DUS2: variants seen among roughly 807,000 people sequenced by gnomAD.
DUS2 encodes dihydrouridine synthase 2, also known as tRNA-dihydrouridine(20) synthase [NAD(P)+]-like.
In DUS2, 52 loss-of-function variants were observed where a neutral mutation model predicts 71.3. The observed-to-expected ratio is 0.73, with a 90% confidence interval of 0.58 to 0.92. The LOEUF (loss-of-function observed/expected upper bound fraction) is 0.92. DUS2 is among the 40% of genes least tolerant of loss of function. DUS2 has a pLI of 0.00. For missense variants in DUS2, 558 were observed against 622.6 expected (o/e 0.90, Z 1.10); for synonymous variants, 204 against 227.8 (o/e 0.90, Z 0.94).
chr16:68,051,550 C>A (rs1202751801), intron 4 of DUS2, among the ~76,000 whole-genome samples: 1 of 151,870 alleles, frequency 6.6e-6, no homozygotes, highest in East Asian at 1.9e-4. Context: ...ACCTCCATGC[C>A]CAGCCAATTT....
chr16:68,043,162 A>G (rs1333543958), intron 3 of DUS2, among the ~76,000 whole-genome samples: 2 of 150,920 alleles, frequency 1.3e-5, no homozygotes, highest in East Asian at 2.0e-4. Flanking sequence ...TAATCCCAGA[A>G]CTTTGAGAGG....
Position 68,023,544 on chromosome 16 carries a change from G to T in DUS2, c.-99+193G>T, listed in dbSNP as rs375506962. The T allele has an allele frequency of 4.5e-5, 14 of 311,180 alleles. No homozygotes were observed. The South Asian group carries it at 6.5e-4, about 14-fold the overall frequency. 19.3% of individuals were successfully genotyped at this position (311,180 alleles called of 1,614,324 possible). A position where few individuals can be genotyped will look rare whatever the true frequency, so the allele number is the denominator to read the frequency against. ...GGATTCTCTTTAGTTGTTCCTCATT[G>T]CCCTGAGATAGCTTGTCCCGTGCTG... is the stretch of plus-strand genomic sequence containing the variant. On this transcript the variant is annotated intron_variant, in intron 1 of 16. Transcript: ENST00000565263.
chr16:68,054,750 G>T, intron 6 of DUS2, 133 bp downstream of exon 6: 1 of 1,129,698 alleles, frequency 8.9e-7, no homozygotes, highest in East Asian at 2.4e-5. Flanking sequence ...CAGGTTAAGA[G>T]TGCCTGGTTT....
chr16:68,056,373 T>C lies in DUS2; in HGVS notation c.318T>C (p.Asp106=). ...CTTCATCCTTTTCCAGAGAAAATGA[T>C]GTGGCTGGTATTGATGTCAACATGG... ...ALAVARLVEN[D]VAGIDVNMGC... is the part of the protein sequence containing the mutation. Residue 106 remains aspartate (D), a synonymous_variant, in exon 7 of 17, where the codon GAT becomes GAC. Coordinates refer to ENST00000565263, the MANE Select transcript of DUS2 (RefSeq NM_017803.5). The C allele has an allele frequency of 6.2e-7, 1 of 1,613,778 alleles. No individual in the cohort carries two copies. Among genetic ancestry groups the C allele is most frequent in the Non-Finnish European group, 8.5e-7 (1 of 1,179,808 alleles).
intron 10 of DUS2, among the ~76,000 whole-genome samples, chr16:68,069,407 G>C (rs938097238): frequency 1.4e-4 from 22 of 152,144 alleles, no homozygotes; most frequent in African/African-American, 5.3e-4. Flanking sequence ...AAGAACAAGA[G>C]TATAGCAGAG....
chr16:68,024,282 A>T (rs769250673), intron 1 of DUS2, among the ~76,000 whole-genome samples: 4 of 151,978 alleles, frequency 2.6e-5, no homozygotes, highest in Non-Finnish European at 5.9e-5. Flanking sequence ...TGTTTTTAGT[A>T]GAGACAGGGT....
intron 12 of DUS2, among the ~76,000 whole-genome samples, chr16:68,071,641 T>C (rs937174378): frequency 7.3e-5 from 11 of 150,370 alleles, no homozygotes; most frequent in Non-Finnish European, 1.5e-4. Context: ...GGAATAGCTT[T>C]TTTTTTTTTT....
intron 14 of DUS2, 80 bp from the exon 15 acceptor site, chr16:68,076,552 T>C: frequency 9.3e-7 from 1 of 1,076,458 alleles, no homozygotes; most frequent in Non-Finnish European, 1.4e-6. Context: ...GCAGCTCCTT[T>C]CAGGAGCTGA....
rs139609429 is a variant in DUS2 at position 68,075,503 on chromosome 16, C to T, written c.1081C>T (p.Arg361Trp). The T allele has an allele frequency of 1.2e-5, 19 of 1,610,356 alleles. No homozygotes were observed. The highest frequency in any genetic ancestry group is 3.4e-5 in the Admixed American group (2 of 59,634). Residue 361 changes from arginine to tryptophan, a missense_variant and splice_region_variant, in exon 14 of 17, where the codon CGG (arginine) becomes TGG (tryptophan). By Grantham distance (101) the Arg-to-Trp change is moderately radical. Transcript: ENST00000565263. ...CATTAAGATGGCTGTCAAGTTTGACCGGTAGGTCTCCAGCTTGGCCTCAGC... is the reference window on the plus strand; with the variant it reads ...CATTAAGATGGCTGTCAAGTTTGACTGGTAGGTCTCCAGCTTGGCCTCAGC... ...GVIKMAVKFD[R>W]RAYPAQITPK...
At chr16:68,065,962 G>T (rs1460282346) in intron 8 of DUS2, among the ~76,000 whole-genome samples, 1 of 152,174 alleles carries the variant, frequency 6.6e-6, no homozygotes, top group Admixed American at 6.5e-5. Flanking sequence ...GAATTCAAGA[G>T]TGTGTATTTC....
In DUS2 at chr16:68,076,381, T is replaced by A. The variant is rs531475235; in HGVS notation, c.1083-251T>A. Among the ~76,000 whole-genome samples, 3 of 152,304 alleles carry A rather than the reference T, an allele frequency of 2.0e-5. 1 individual carries two copies. The South Asian group carries it at 6.2e-4, about 32-fold the overall frequency. ...GTCTGGACCTCAGAGTACTGGGAGT[T>A]CATTCCCCCTTCCCTTACAATTTCT... On this transcript the variant is annotated intron_variant, in intron 14 of 16. Coordinates refer to ENST00000565263, the MANE Select transcript of DUS2 (RefSeq NM_017803.5).
chr16:68,073,645 C>CT (rs1240667285), intron 12 of DUS2, among the ~76,000 whole-genome samples: 1 of 152,160 alleles, frequency 6.6e-6, no homozygotes, highest in Non-Finnish European at 1.5e-5. Flanking sequence ...GACGGGGCTT[C>CT]ACCATGTTGG....
At chr16:68,029,024 CTG>C (rs1333756667) in intron 2 of DUS2, among the ~76,000 whole-genome samples, 9 of 152,058 alleles carry the variant, frequency 5.9e-5, no homozygotes, top group African/African-American at 1.9e-4. Context: ...CATAGCAAGA[CTG>C]TATCGCTACA....
chr16:68,045,535 C>T (rs1475785571), intron 3 of DUS2, among the ~76,000 whole-genome samples: 1 of 151,288 alleles, frequency 6.6e-6, no homozygotes, highest in Non-Finnish European at 1.5e-5. Context: ...CGCTCGAACC[C>T]AGGAGGTGGA....
chr16:68,073,710 A>G (rs1160864228), intron 12 of DUS2, among the ~76,000 whole-genome samples: 1 of 151,980 alleles, frequency 6.6e-6, no homozygotes, highest in Non-Finnish European at 1.5e-5. Context: ...TGGCCTCCCA[A>G]GGTGCTGTGA....
intron 2 of DUS2, among the ~76,000 whole-genome samples, chr16:68,025,960 C>G (rs902059541): frequency 3.9e-5 from 6 of 152,120 alleles, no homozygotes; most frequent in African/African-American, 1.4e-4. Context: ...GCCAAAATCC[C>G]TGCCCTTGTG....
chr16:68,078,022 GTGCCTCGCTCCTTCCAGTT>G, intron 15 of DUS2: 2 of 215,038 alleles, frequency 9.3e-6, no homozygotes, highest in East Asian at 2.3e-4. Flanking sequence ...ACCCTTCCAT[GTGCCTCGCTCCTTCCAGTT>G]TCATCCCTGC....
At chr16:68,072,934 G>A (rs1371357500) in intron 12 of DUS2, among the ~76,000 whole-genome samples, 2 of 152,256 alleles carry the variant, frequency 1.3e-5, no homozygotes, top group African/African-American at 4.8e-5. Flanking sequence ...AAATGATGCT[G>A]TGTTTTACCC....
rs771472988 is a variant in DUS2 at position 68,075,354 on chromosome 16, G to C, written c.933-1G>C. 1.2e-6 allele frequency: 2 copies of C among 1,604,280 alleles called. No homozygotes were observed. The highest frequency in any genetic ancestry group is 2.2e-5 in the South Asian group (2 of 89,082). The stretch of plus-strand genomic sequence containing the variant: ...GCTCTGATCTGCTTCTTCCTCCCTA[G>C]TGAGGCCTTTGGCCTTGGTGCCTTC... On this transcript the variant is annotated splice_acceptor_variant, in intron 13 of 16. Transcript: ENST00000565263. LOFTEE classifies it high-confidence loss of function.
Sources: allele counts gnomAD v4.1 joint callset (sites outside exome capture counted in the v4.1 genomes callset), GRCh38; gene constraint gnomAD v4.1.1; transcripts MANE v1.5; gene names NCBI Gene and HGNC (gene_info 2026-07-23, HGNC 2026-07-21).